Variants in ARHGAP32 observed in about 807,000 individuals in gnomAD.
The protein encoded by ARHGAP32 is Rho GTPase activating protein 32.
In ARHGAP32, 51 loss-of-function variants were observed where a neutral mutation model predicts 186.5. The ratio of observed to expected loss-of-function variants is 0.27; its 90% CI spans 0.22 to 0.35. ARHGAP32 has a LOEUF of 0.35. Ranked by LOEUF, ARHGAP32 falls within the 10% of genes least tolerant of loss-of-function variation. The probability of loss-of-function intolerance (pLI) is 1.00; values close to 1 mark genes in which losing one functional copy is unlikely to be tolerated. For synonymous variants in ARHGAP32, 950 were observed against 964.3 expected, an observed-to-expected ratio of 0.99 and a Z score of 0.27; for missense variants, 2,186 against 2,623.5, an observed-to-expected ratio of 0.83 and a Z score of 3.64.
chr11:129,024,768 G>A (rs1938759572), intron 11 of ARHGAP32, among the ~76,000 whole-genome samples: 1 of 152,150 alleles, frequency 6.6e-6, no homozygotes, highest in African/African-American at 2.4e-5. Context: ...GGAGTCCCAA[G>A]GTACTTCTTT....
intron 1 of ARHGAP32, among the ~76,000 whole-genome samples, chr11:129,197,374 A>C (rs563194687): frequency 3.1e-4 from 47 of 152,206 alleles, no homozygotes; most frequent in Non-Finnish European, 5.1e-4. Context: ...CAGTAGAACC[A>C]AGATCTTGAT....
In ARHGAP32 at chr11:129,123,394, A is replaced by ATAGAT. The variant is rs1388001408; in HGVS notation, c.444+51_444+52insATCTA. 2 of 1,458,888 alleles carry ATAGAT rather than the reference A, an allele frequency of 1.4e-6. No individual in the cohort carries two copies. The highest frequency in any genetic ancestry group is 2.8e-5 in the African/African-American group (2 of 71,550). 90.4% of individuals were successfully genotyped at this position (1,458,888 alleles called of 1,614,324 possible). A position where few individuals can be genotyped will look rare whatever the true frequency, so the allele number is the denominator to read the frequency against. ...GATATATAGATAAGCATCTAGATAT[A>ATAGAT]AAGGTAAATGTGTAAATCTTAATTC... On this transcript the variant is annotated intron_variant, in intron 5 of 22. Coordinates refer to ENST00000682385, the MANE Select transcript of ARHGAP32 (RefSeq NM_001378024.1). This position sits in a 1 kb window ranked among gnomAD's most constrained non-coding sequence, Gnocchi z 4.6.
At position 128,970,450 on chromosome 11, in the gene ARHGAP32, A is replaced by G; in HGVS notation, c.4763T>C (p.Ile1588Thr). The change falls in exon 23 of 23, where the codon ATT (isoleucine) becomes ACT (threonine). Residue 1588 changes from isoleucine (I) to threonine (T), a missense_variant. Ile to Thr is a moderately conservative substitution (Grantham distance 89). This residue lies in a region of ARHGAP32 where 1,502 missense variants were observed against 1,570.0 expected (regional missense o/e 0.96). Transcript: ENST00000682385. This position sits in a 1 kb window ranked among gnomAD's most constrained non-coding sequence, Gnocchi z 5.8. ...TCTCCGGATGGTAGGGTACGGTGGA[A>G]TGTCTTCGGGGTAACAGGTATTCCT... ...SVRNTCYPEDIPPYPTIRRVQ... is the reference protein window; with the variant it reads ...SVRNTCYPEDTPPYPTIRRVQ... The G allele has an allele frequency of 1.2e-6, 2 of 1,614,158 alleles. No individual in the cohort carries two copies. Among genetic ancestry groups the G allele is most frequent in the Non-Finnish European group, 1.7e-6 (2 of 1,180,022 alleles).
intron 1 of ARHGAP32, among the ~76,000 whole-genome samples, chr11:129,184,882 C>A (rs1023478572): frequency 6.6e-6 from 1 of 152,110 alleles, no homozygotes; most frequent in African/African-American, 2.4e-5. Context: ...GAGAACTTAA[C>A]TGAACAAAAA....
At chr11:129,112,764 T>G (rs1245080818) in intron 5 of ARHGAP32, among the ~76,000 whole-genome samples, 1 of 152,160 alleles carries the variant, frequency 6.6e-6, no homozygotes, top group African/African-American at 2.4e-5. Flanking sequence ...TACTTTACAT[T>G]GTCAAAATAT....
At chr11:129,133,672 A>G (rs906905562) in intron 2 of ARHGAP32, among the ~76,000 whole-genome samples, 1 of 152,188 alleles carries the variant, frequency 6.6e-6, no homozygotes, top group Non-Finnish European at 1.5e-5. Flanking sequence ...AATATCCTTC[A>G]GAAATGATGT....
At chr11:129,266,751 TC>T (rs1393300445) in intron 1 of ARHGAP32, among the ~76,000 whole-genome samples, 1 of 152,176 alleles carries the variant, frequency 6.6e-6, no homozygotes, top group Non-Finnish European at 1.5e-5. Context: ...GCACTGGCCT[TC>T]CTCTAACCAT....
intron 11 of ARHGAP32, among the ~76,000 whole-genome samples, chr11:129,038,778 T>C (rs1939464586): frequency 6.7e-6 from 1 of 149,394 alleles, no homozygotes; most frequent in African/African-American, 2.5e-5. Flanking sequence ...TGTCAGTCAT[T>C]CAGCAGGCTG....
At chr11:128,982,028 A>T in intron 15 of ARHGAP32, 92 bp from the exon 16 acceptor site, 2 of 765,810 alleles carry the variant, frequency 2.6e-6, no homozygotes, top group Non-Finnish European at 4.1e-6. Flanking sequence ...AGTTTGCAAT[A>T]GCAAAATGAA....
At chr11:129,028,151 C>T (rs1474036883) in intron 11 of ARHGAP32, among the ~76,000 whole-genome samples, 1 of 152,158 alleles carries the variant, frequency 6.6e-6, no homozygotes, top group African/African-American at 2.4e-5. Flanking sequence ...CAACATCTGC[C>T]AACAAACAAA....
chr11:128,969,321 T>C lies in ARHGAP32; in HGVS notation c.5892A>G (p.Arg1964=), dbSNP rs552954899. The C allele has an allele frequency of 1.7e-5, 27 of 1,614,164 alleles. No individual in the cohort carries two copies. The South Asian group carries it at 2.7e-4, about 16-fold the overall frequency. Residue 1964 remains arginine, a synonymous_variant, in exon 23 of 23, where the codon CGA becomes CGG. Coordinates refer to ENST00000682385, the MANE Select transcript of ARHGAP32 (RefSeq NM_001378024.1). The surrounding 1 kb of genome is among the most constrained non-coding windows in gnomAD (Gnocchi z 4.8). Reference sequence around the variant, plus strand: ...GGGCAGAAGGCTGCCTAACCCAGGGTCGCTCCATCTCTTTGGAGAGCCTTA... The same window carrying C: ...GGGCAGAAGGCTGCCTAACCCAGGGCCGCTCCATCTCTTTGGAGAGCCTTA... ...KEVRLSKEME[R]PWVRQPSAPE...
chr11:129,275,157 T>C (rs1218962172), intron 1 of ARHGAP32, among the ~76,000 whole-genome samples: 2 of 152,222 alleles, frequency 1.3e-5, no homozygotes, highest in East Asian at 1.9e-4. Flanking sequence ...GAAAATTCTA[T>C]AGCAAACAGC....
At chr11:129,120,126 G>C (rs1482856426) in intron 5 of ARHGAP32, among the ~76,000 whole-genome samples, 1 of 152,062 alleles carries the variant, frequency 6.6e-6, no homozygotes, top group African/African-American at 2.4e-5. Context: ...TTTAGTGTAA[G>C]GTGATAGCAG....
At position 129,251,797 on chromosome 11, in the gene ARHGAP32, G is replaced by C. The variant is rs1021176671; in HGVS notation, c.-5+27349C>G. 2.6e-5 allele frequency among the ~76,000 whole-genome samples: 4 copies of C among 151,926 alleles called. No individual in the cohort carries two copies. The South Asian group carries it at 8.3e-4, about 32-fold the overall frequency. The stretch of plus-strand genomic sequence containing the variant: ...AAAAAAAAAAAAATCAGCTGGGTGT[G>C]GCGAGGTGTGCCTGTAATCCCAGCT... On this transcript the variant is annotated intron_variant, in intron 1 of 6. Coordinates refer to the ARHGAP32 transcript ENST00000525234.
At chr11:128,982,159 T>A (rs868129019) in intron 15 of ARHGAP32, among the ~76,000 whole-genome samples, 2 of 152,214 alleles carry the variant, frequency 1.3e-5, no homozygotes, top group African/African-American at 4.8e-5. Flanking sequence ...TTTGAAGTTA[T>A]GCCATTCTAC....
At chr11:129,222,198 C>T (rs771327573) in intron 1 of ARHGAP32, among the ~76,000 whole-genome samples, 1 of 152,096 alleles carries the variant, frequency 6.6e-6, no homozygotes, top group Non-Finnish European at 1.5e-5. Context: ...CAAGAAGAAA[C>T]GTGACAAGTG....
chr11:129,113,069 A>G (rs1435193028), intron 5 of ARHGAP32, among the ~76,000 whole-genome samples: 2 of 152,140 alleles, frequency 1.3e-5, no homozygotes, highest in African/African-American at 4.8e-5. Context: ...ACCTCTTATT[A>G]CAATGTCATG....
intron 5 of ARHGAP32, among the ~76,000 whole-genome samples, chr11:129,118,033 A>C (rs1942419910): frequency 6.6e-6 from 1 of 152,018 alleles, no homozygotes; most frequent in South Asian, 2.1e-4. Context: ...TTTTTTTGTG[A>C]AATTTAAATT....
At chr11:129,161,009 C>T (rs771091788) in intron 2 of ARHGAP32, among the ~76,000 whole-genome samples, 24 of 152,066 alleles carry the variant, frequency 1.6e-4, no homozygotes, top group Non-Finnish European at 2.5e-4. Context: ...CACACATCTA[C>T]GACCCTCTGA....
Sources: gnomAD v4.1 joint callset for allele counts (sites outside exome capture counted in the v4.1 genomes callset) on GRCh38, gnomAD v4.1.1 for gene constraint, gnomAD v4.1.1 regional missense constraint, Gnocchi (gnomAD v3.1) non-coding constraint, MANE v1.5 for transcripts, NCBI Gene and HGNC (gene_info 2026-07-23, HGNC 2026-07-21) for gene names.